CDK14: variants seen among roughly 807,000 people sequenced by gnomAD.
CDK14 encodes the protein cyclin dependent kinase 14.
In CDK14, 34 loss-of-function variants were observed where a neutral mutation model predicts 60.7. That is an observed-to-expected ratio of 0.56 (90% confidence interval 0.43 to 0.75). CDK14 has a LOEUF of 0.75. Ranked by LOEUF, CDK14 falls within the 30% of genes least tolerant of loss-of-function variation. CDK14 has a pLI of 0.00. For missense variants in CDK14, 482 were observed against 564.1 expected, an observed-to-expected ratio of 0.85 and a Z score of 1.47; for synonymous variants, 197 against 203.7, an observed-to-expected ratio of 0.97 and a Z score of 0.28.
At chr7:91,121,291 G>T (rs1474684120) in intron 14 of CDK14, among the ~76,000 whole-genome samples, 4 of 152,184 alleles carry the variant, frequency 2.6e-5, no homozygotes, top group Admixed American at 6.5e-5. Flanking sequence ...TGCCTAGAGA[G>T]ATTGGGAAGG....
intron 4 of CDK14, among the ~76,000 whole-genome samples, chr7:90,787,649 A>G (rs1050495181): frequency 2.6e-5 from 4 of 152,206 alleles, no homozygotes; most frequent in African/African-American, 7.2e-5. Flanking sequence ...TTGATAAAAC[A>G]GGAAAAGTCC....
intron 10 of CDK14, among the ~76,000 whole-genome samples, chr7:91,020,362 C>T (rs1327833451): frequency 6.6e-6 from 1 of 152,164 alleles, no homozygotes; most frequent in Non-Finnish European, 1.5e-5. Context: ...GTGCATGCAA[C>T]CAATATTTTT....
At chr7:90,798,569 A>T (rs1488212748) in intron 5 of CDK14, among the ~76,000 whole-genome samples, 1 of 152,206 alleles carries the variant, frequency 6.6e-6, no homozygotes, top group Non-Finnish European at 1.5e-5. Context: ...ACAAAATATC[A>T]ACAGCGGGAA....
At chr7:90,969,998 ACT>A (rs1359635567) in intron 9 of CDK14, among the ~76,000 whole-genome samples, 1 of 142,258 alleles carries the variant, frequency 7.0e-6, no homozygotes, top group Non-Finnish European at 1.5e-5. Flanking sequence ...ATGGAGTCTC[ACT>A]CTGTCGCCCA....
intron 2 of CDK14, chr7:90,709,727 G>T (rs998351069): frequency 2.1e-6 from 3 of 1,434,998 alleles, no homozygotes; most frequent in East Asian, 2.7e-5. Flanking sequence ...ACAGTTTTTG[G>T]TCTTATTCCA....
rs111835739 is a variant in CDK14, at chr7:90,740,266, T to G, written c.370-7415T>G. ...GTATGTGTGTGTGTATATATATATA[T>G]ATATAGAGAGAGAGAGAGAGAGAGA... On this transcript the variant is annotated intron_variant, in intron 3 of 14. Coordinates refer to ENST00000380050, the MANE Select transcript of CDK14 (RefSeq NM_001287135.2). Among the ~76,000 whole-genome samples, 1,117 of 122,252 alleles carry G rather than the reference T, an allele frequency of 9.1e-3. 7 individuals are homozygous for G. Among genetic ancestry groups the G allele is most frequent in the South Asian group, 0.032 (119 of 3,666 alleles). 80.2% of individuals were successfully genotyped at this position (122,252 alleles called of 152,430 possible).
intron 11 of CDK14, among the ~76,000 whole-genome samples, chr7:91,073,594 A>G (rs1244571878): frequency 6.6e-6 from 1 of 152,198 alleles, no homozygotes; most frequent in Non-Finnish European, 1.5e-5. Flanking sequence ...AACTGCATCA[A>G]CTAGTGTGCA....
chr7:90,985,431 A>G (rs1238524475), intron 10 of CDK14, among the ~76,000 whole-genome samples: 1 of 152,200 alleles, frequency 6.6e-6, no homozygotes, highest in Non-Finnish European at 1.5e-5. Context: ...AATACTTTAC[A>G]TATATACAAA....
intron 7 of CDK14, among the ~76,000 whole-genome samples, chr7:90,910,038 G>T (rs541969134): frequency 1.0e-3 from 156 of 152,262 alleles, no homozygotes; most frequent in African/African-American, 3.7e-3. Flanking sequence ...CACGTGGAAG[G>T]ACTGATGCCT....
At chr7:91,160,504 G>A (rs988582341) in intron 14 of CDK14, among the ~76,000 whole-genome samples, 9 of 152,054 alleles carry the variant, frequency 5.9e-5, no homozygotes, top group Non-Finnish European at 1.2e-4. Flanking sequence ...TGATGGGGGG[G>A]GATATAAATT....
At chr7:91,162,323 A>G (rs1410843376) in intron 14 of CDK14, among the ~76,000 whole-genome samples, 2 of 152,232 alleles carry the variant, frequency 1.3e-5, no homozygotes, top group Non-Finnish European at 2.9e-5. Context: ...CTATGTTTAA[A>G]TTTCTTTCAC....
chr7:90,608,974 C>T (rs1000074370), intron 2 of CDK14, among the ~76,000 whole-genome samples: 17 of 152,106 alleles, frequency 1.1e-4, no homozygotes, highest in Admixed American at 7.2e-4. Context: ...GTCCATGTCC[C>T]TCTTTGTTAT....
chr7:91,073,037 C>T (rs575690273), intron 11 of CDK14, among the ~76,000 whole-genome samples: 27 of 152,142 alleles, frequency 1.8e-4, no homozygotes, highest in Non-Finnish European at 3.2e-4. Context: ...ACAGAACCTA[C>T]AATTGATTGG....
At chr7:90,873,105 C>T (rs985555792) in intron 6 of CDK14, among the ~76,000 whole-genome samples, 1 of 151,934 alleles carries the variant, frequency 6.6e-6, no homozygotes, top group South Asian at 2.1e-4. Flanking sequence ...AACAATACTC[C>T]TGGAAAACTG....
intron 6 of CDK14, among the ~76,000 whole-genome samples, chr7:90,893,185 A>C (rs866209154): frequency 6.6e-6 from 1 of 152,206 alleles, no homozygotes; most frequent in Non-Finnish European, 1.5e-5. Flanking sequence ...CATGGAAGGC[A>C]TTCAGGTGTA....
intron 5 of CDK14, among the ~76,000 whole-genome samples, chr7:90,842,007 G>A (rs900838580): frequency 6.6e-6 from 1 of 152,028 alleles, no homozygotes; most frequent in Non-Finnish European, 1.5e-5. Context: ...ACACCTTGGA[G>A]TGCCCTTAGC....
chr7:90,745,690 A>G (rs1423733103), intron 3 of CDK14, among the ~76,000 whole-genome samples: 1 of 152,192 alleles, frequency 6.6e-6, no homozygotes, highest in African/African-American at 2.4e-5. Context: ...CTGGGATTAC[A>G]GGTGTGAGCC....
intron 6 of CDK14, among the ~76,000 whole-genome samples, chr7:90,897,284 GTATT>G (rs1457779377): frequency 3.3e-5 from 5 of 151,812 alleles, no homozygotes; most frequent in African/African-American, 1.2e-4. Context: ...TGGATTTTTG[GTATT>G]TATTGTTCTT....
At chr7:90,917,424 TA>T (rs1793114527) in intron 7 of CDK14, among the ~76,000 whole-genome samples, 176 bp from the exon 8 acceptor site, 1 of 152,236 alleles carries the variant, frequency 6.6e-6, no homozygotes, top group South Asian at 2.1e-4. Context: ...GATTTACTTC[TA>T]AATGAATTAG....
Sources: allele counts gnomAD v4.1 joint callset (sites outside exome capture counted in the v4.1 genomes callset), GRCh38; gene constraint gnomAD v4.1.1; transcripts MANE v1.5; gene names NCBI Gene and HGNC (gene_info 2026-07-23, HGNC 2026-07-21).